The following PPFIA3 variants were observed in gnomAD, a reference collection of about 807,000 sequenced individuals.
PPFIA3 encodes the protein PPFI scaffold protein A3, also known as liprin-alpha-3.
Under a neutral mutation model 145.8 loss-of-function variants are expected in PPFIA3, and 26 were observed. The observed-to-expected ratio is 0.18, with a 90% CI of 0.13 to 0.25. The LOEUF is 0.25. Ranked by LOEUF, PPFIA3 falls within the 10% of genes least tolerant of loss-of-function variation. The pLI is 1.00. For missense variants in PPFIA3, 1,008 were observed against 1,587.8 expected (o/e 0.63, Z 6.21); for synonymous variants, 645 against 661.4 (o/e 0.98, Z 0.38).
intron 15 of PPFIA3, among the ~76,000 whole-genome samples, chr19:49,137,435 C>A (rs1182862648): frequency 6.6e-6 from 1 of 151,950 alleles, no homozygotes; most frequent in Non-Finnish European, 1.5e-5. Context: ...TAGAGACCAT[C>A]CTGGCTAACA....
intron 1 of PPFIA3, 104 bp from the exon 2 acceptor site, chr19:49,127,755 T>C: frequency 7.2e-7 from 1 of 1,384,714 alleles, no homozygotes; most frequent in Non-Finnish European, 9.7e-7. Flanking sequence ...GTGCTTGGTT[T>C]GCCCCCAACT....
At chr19:49,129,039 G>A in intron 4 of PPFIA3, 27 bp downstream of exon 4, 1 of 1,557,970 alleles carries the variant, frequency 6.4e-7, no homozygotes. Context: ...AGCAGGGGTG[G>A]AGAATGGAAA....
chr19:49,126,800 T>G (rs193179146), intron 1 of PPFIA3, among the ~76,000 whole-genome samples: 40 of 151,966 alleles, frequency 2.6e-4, no homozygotes, highest in Admixed American at 3.3e-4. Context: ...ACCCATGCAG[T>G]GGGTTGAGGG....
chr19:49,145,866 C>G (rs1242235112), intron 21 of PPFIA3, 77 bp from the exon 22 acceptor site: 3 of 1,340,112 alleles, frequency 2.2e-6, no homozygotes, highest in Non-Finnish European at 3.2e-6. Context: ...GGCCCAGGGC[C>G]TTCAGGAGGA....
chr19:49,148,705 C>T lies in PPFIA3; in HGVS notation c.3051C>T (p.Leu1017=). ...ATGGGATTATGTGCCTGAAACGGCT[C>T]AACTATGACCGGAAGGACCTGGAGC... ...LHYGIMCLKR[L]NYDRKDLERR... is the part of the protein sequence containing the mutation. The change falls in exon 25 of 30, where the codon CTC becomes CTT. Residue 1017 remains leucine, a synonymous_variant. Transcript: ENST00000334186. 1 of 1,614,054 alleles carries T rather than the reference C, an allele frequency of 6.2e-7. No homozygotes were observed. Among genetic ancestry groups the T allele is most frequent in the Non-Finnish European group, 8.5e-7 (1 of 1,179,990 alleles).
intron 20 of PPFIA3, among the ~76,000 whole-genome samples, chr19:49,142,531 TTCTTTCTCTCTCTCTC>T (rs1416984040): frequency 1.3e-5 from 2 of 148,576 alleles, no homozygotes; most frequent in African/African-American, 2.5e-5. Context: ...CTCTCTCTAT[TTCTTTCTCTCTCTCTC>T]TCTTTCTCTC....
chr19:49,125,997 C>T (rs2040993422), intron 1 of PPFIA3, among the ~76,000 whole-genome samples: 1 of 151,852 alleles, frequency 6.6e-6, no homozygotes, highest in East Asian at 1.9e-4. Flanking sequence ...TATCGCCAAG[C>T]TGGAGTGCAG....
In PPFIA3 at chr19:49,139,746, C is replaced by T. The variant is rs762272866; in HGVS notation, c.2155C>T (p.Pro719Ser). 4 of 1,613,864 alleles carry T rather than the reference C, an allele frequency of 2.5e-6. No homozygotes were observed. Among genetic ancestry groups the T allele is most frequent in the Non-Finnish European group, 3.4e-6 (4 of 1,179,908 alleles). The change falls in exon 17 of 30, where the codon CCC becomes TCC. Residue 719 changes from proline to serine, a missense_variant. By Grantham distance (74) the Pro-to-Ser change is moderately conservative. Coordinates refer to ENST00000334186, the MANE Select transcript of PPFIA3 (RefSeq NM_003660.4). ...CCCAGGAGACACCCCACCACCCACTCCCCGCTCTGCCCGTCTTGAGAGAAT... is the reference window on the plus strand; with the variant it reads ...CCCAGGAGACACCCCACCACCCACTTCCCGCTCTGCCCGTCTTGAGAGAAT... ...AIPGDTPPPTPRSARLERMTQ... is the reference protein window; with the variant it reads ...AIPGDTPPPTSRSARLERMTQ...
rs1292105450 is a variant in PPFIA3, at chr19:49,120,571, C to T, written c.-16+849C>T. Among the ~76,000 whole-genome samples, 1 of 152,158 alleles carries T rather than the reference C, an allele frequency of 6.6e-6. No individual in the cohort carries two copies. On this transcript the variant is annotated intron_variant, in intron 1 of 29. Transcript: ENST00000334186. This position sits in a 1 kb window ranked among gnomAD's most constrained non-coding sequence, Gnocchi z 4.6. ...CCCGTCAGCACCTAGGAATCCTGTTCCCCAGCGTTTGCTCTGCTTAGAACC... is the reference window on the plus strand; with the variant it reads ...CCCGTCAGCACCTAGGAATCCTGTTTCCCAGCGTTTGCTCTGCTTAGAACC...
intron 19 of PPFIA3, 136 bp from the exon 20 acceptor site, chr19:49,141,898 T>C: frequency 2.0e-6 from 1 of 503,484 alleles, no homozygotes; most frequent in Non-Finnish European, 3.4e-6. Flanking sequence ...CCTTCTGCCG[T>C]GTTTTGTACA....
At chr19:49,129,555 T>G in intron 5 of PPFIA3, 101 bp downstream of exon 5, 2 of 1,290,234 alleles carry the variant, frequency 1.6e-6, no homozygotes, top group Non-Finnish European at 1.1e-6. Flanking sequence ...GAGAATCTAT[T>G]GGGGCAGGAC....
chr19:49,127,952 G>C lies in PPFIA3; in HGVS notation c.79G>C (p.Glu27Gln), dbSNP rs2041022576. The C allele has an allele frequency of 1.9e-6, 3 of 1,595,062 alleles. No individual in the cohort carries two copies. Among genetic ancestry groups the C allele is most frequent in the Non-Finnish European group, 2.5e-6 (3 of 1,178,324 alleles). ...GCTGGGCCCGGACGAGGCGGGCGGG[G>C]AGCTGGAGCGCCTCATGGTCACGAT... ...SALGPDEAGG[E>Q]LERLMVTMLT... Residue 27 changes from glutamate (E) to glutamine (Q), a missense_variant, in exon 2 of 30, where the codon GAG becomes CAG. Around this residue, in one of 11 missense-constraint regions of PPFIA3, gnomAD observed 108 missense variants for 144.3 expected, o/e 0.75. Coordinates refer to ENST00000334186, the MANE Select transcript of PPFIA3 (RefSeq NM_003660.4).
Position 49,128,684 on chromosome 19 carries a change from C to A in PPFIA3, c.343-164C>A. ...ATAACTTTTCTCTTTTCTGTACCAC[C>A]GGTTCCTTGACCCCGACCTCCTCTC... On this transcript the variant is annotated intron_variant, in intron 3 of 29. Coordinates refer to ENST00000334186, the MANE Select transcript of PPFIA3 (RefSeq NM_003660.4). The surrounding 1 kb of genome is among the most constrained non-coding windows in gnomAD (Gnocchi z 4.1). 4 of 796,044 alleles carry A rather than the reference C, an allele frequency of 5.0e-6. No individual in the cohort carries two copies. Among genetic ancestry groups the A allele is most frequent in the Non-Finnish European group, 7.9e-6 (4 of 509,532 alleles). The allele number at this position is 796,044 out of a possible 1,614,324, so 49.3% of individuals were successfully genotyped here.
Position 49,128,195 on chromosome 19 carries a change from C to T in PPFIA3, c.240+82C>T, listed in dbSNP as rs2041027067. 6.8e-7 allele frequency: 1 copy of T among 1,469,244 alleles called. No homozygotes were observed. Among genetic ancestry groups the T allele is most frequent in the African/African-American group, 1.4e-5 (1 of 71,466 alleles). The allele number at this position is 1,469,244 out of a possible 1,614,324, so 91.0% of individuals were successfully genotyped here. ...GGTCCGGAAGGGGCCGGGCTTGGCG[C>T]CTGGAAGGGAGGAGTCTGGGCGAGG... On this transcript the variant is annotated intron_variant, in intron 2 of 29. Coordinates refer to ENST00000334186, the MANE Select transcript of PPFIA3 (RefSeq NM_003660.4). The surrounding 1 kb of genome is among the most constrained non-coding windows in gnomAD (Gnocchi z 4.1).
rs549612442 is a variant in PPFIA3, at chr19:49,146,755, C to A, written c.2835+563C>A. 3.6e-3 allele frequency among the ~76,000 whole-genome samples: 548 copies of A among 152,184 alleles called. 2 individuals are homozygous for A. The highest frequency in any genetic ancestry group is 0.012 in the African/African-American group (504 of 41,520). The stretch of plus-strand genomic sequence containing the variant: ...GACCAGTCTGGCCAACATGGTGAAA[C>A]CCTGTGTCTACTAAAAATACAAAAA... On this transcript the variant is annotated intron_variant, in intron 23 of 29. Coordinates refer to ENST00000334186, the MANE Select transcript of PPFIA3 (RefSeq NM_003660.4).
At position 49,149,106 on chromosome 19, in the gene PPFIA3, G is replaced by C. The variant is rs1423994142; in HGVS notation, c.3223G>C (p.Asp1075His). The C allele has an allele frequency of 6.2e-7, 1 of 1,614,040 alleles. No homozygotes were observed. The highest frequency in any genetic ancestry group is 8.5e-7 in the Non-Finnish European group (1 of 1,180,036). The change falls in exon 26 of 30, where the codon GAC (aspartate) becomes CAC (histidine). Residue 1075 changes from aspartate to histidine, a missense_variant. This residue lies in a region of PPFIA3 where 125 missense variants were observed against 159.3 expected (regional missense o/e 0.78). Coordinates refer to ENST00000334186, the MANE Select transcript of PPFIA3 (RefSeq NM_003660.4). This position sits in a 1 kb window ranked among gnomAD's most constrained non-coding sequence, Gnocchi z 5.7. Reference protein sequence around the residue: ...SGVHGALLALDETFDYSDLAL... With the variant: ...SGVHGALLALHETFDYSDLAL... Reference sequence around the variant, plus strand: ...GGTACACGGGGCACTGCTCGCCCTGGACGAGACCTTCGACTACTCCGACCT... The same window carrying C: ...GGTACACGGGGCACTGCTCGCCCTGCACGAGACCTTCGACTACTCCGACCT...
intron 1 of PPFIA3, among the ~76,000 whole-genome samples, 187 bp from the exon 2 acceptor site, chr19:49,127,672 G>A (rs1057393067): frequency 6.6e-6 from 1 of 152,068 alleles, no homozygotes; most frequent in African/African-American, 2.4e-5. Flanking sequence ...TTTCCCCGGT[G>A]GAGTGACAGG....
intron 7 of PPFIA3, among the ~76,000 whole-genome samples, chr19:49,132,544 C>T (rs2041088882): frequency 6.6e-6 from 1 of 151,954 alleles, no homozygotes; most frequent in African/African-American, 2.4e-5. Context: ...GAAGTTGAAG[C>T]ACTTCTTTTG....
intron 14 of PPFIA3, 145 bp from the exon 15 acceptor site, chr19:49,136,579 A>G (rs1015314770): frequency 5.5e-6 from 3 of 548,280 alleles, no homozygotes; most frequent in Non-Finnish European, 8.4e-6. Flanking sequence ...ACTCTGTCTC[A>G]AGAAAAAATA....
Sources: allele counts gnomAD v4.1 joint callset (sites outside exome capture counted in the v4.1 genomes callset), GRCh38; gene constraint gnomAD v4.1.1; regional missense constraint gnomAD v4.1.1; non-coding constraint Gnocchi (gnomAD v3.1); transcripts MANE v1.5; gene names NCBI Gene and HGNC (gene_info 2026-07-23, HGNC 2026-07-21).